The following UNC80 variants were observed in gnomAD, a reference collection of about 807,000 sequenced individuals.
The protein encoded by UNC80 is protein unc-80 homolog.
UNC80 carries 164 observed loss-of-function variants against 384.6 expected under a neutral mutation model. The observed-to-expected ratio is 0.43, with a 90% CI of 0.38 to 0.49. The LOEUF (loss-of-function observed/expected upper bound fraction) is 0.49. Among genes scored for constraint, UNC80 ranks in the 20% least tolerant of loss-of-function variants. The probability of loss-of-function intolerance (pLI) is 0.00; values close to 1 mark genes in which losing one functional copy is unlikely to be tolerated. For missense variants in UNC80, 3,330 were observed against 4,143.0 expected, an observed-to-expected ratio of 0.80 and a Z score of 5.39; for synonymous variants, 1,486 against 1,527.8, an observed-to-expected ratio of 0.97 and a Z score of 0.64.
At chr2:209,945,632 A>T (rs1165928494) in intron 46 of UNC80, among the ~76,000 whole-genome samples, 1 of 152,212 alleles carries the variant, frequency 6.6e-6, no homozygotes, top group Admixed American at 6.5e-5. Context: ...CACTCCAGAA[A>T]AGTATTTTTA....
intron 48 of UNC80, among the ~76,000 whole-genome samples, chr2:209,955,726 TATATATATATATAC>T (rs2092382062): frequency 2.5e-5 from 2 of 80,624 alleles, no homozygotes; most frequent in Admixed American, 1.2e-4. Flanking sequence ...TATATATATA[TATATATATATATAC>T]ACACACACAC....
chr2:209,929,593 A>G (rs147537315), intron 36 of UNC80, among the ~76,000 whole-genome samples: 1 of 152,338 alleles, frequency 6.6e-6, no homozygotes, highest in Admixed American at 6.5e-5. Flanking sequence ...GACTTCCACA[A>G]CAAAGACAAT....
intron 42 of UNC80, 36 bp downstream of exon 42, chr2:209,937,666 T>A: frequency 6.8e-7 from 1 of 1,469,524 alleles, no homozygotes; most frequent in African/African-American, 1.4e-5. Flanking sequence ...CATGGTTTTG[T>A]CATGTTGTTG....
intron 45 of UNC80, among the ~76,000 whole-genome samples, chr2:209,944,690 A>G (rs7584962): frequency 0.1 from 15,696 of 152,164 alleles, 2,012 homozygotes; most frequent in African/African-American, 0.3. Context: ...ATAAGCATAC[A>G]TTCCGCAAAC....
chr2:209,918,613 G>C lies in UNC80; in HGVS notation c.5293G>C (p.Val1765Leu), dbSNP rs1240320250. 6.4e-7 allele frequency: 1 copy of C among 1,551,938 alleles called. No individual in the cohort carries two copies. The highest frequency in any genetic ancestry group is 2.0e-5 in the Admixed American group (1 of 50,992). The change falls in exon 33 of 65, where the codon GTT becomes CTT. Residue 1765 changes from valine to leucine, a missense_variant. Val to Leu is a conservative substitution (Grantham distance 32, BLOSUM62 1). Around this residue, in one of 8 missense-constraint regions of UNC80, gnomAD observed 1,049 missense variants for 1,488.6 expected, o/e 0.70. Transcript: ENST00000673920. ...PSVPMFDPPW[V>L]PQCSGSVQDP... ...CGTCCCAATGTTTGACCCACCGTGG[G>C]TTCCTCAGTGCAGCGGGAGTGTCCA...
intron 28 of UNC80, 111 bp from the exon 29 acceptor site, chr2:209,904,654 A>G: frequency 1.1e-6 from 1 of 918,636 alleles, no homozygotes; most frequent in Non-Finnish European, 1.7e-6. Context: ...CGATTTCAAG[A>G]CACATCCAGG....
rs939231605 is a variant in UNC80 at position 209,982,263 on chromosome 2, A to G, written c.9203A>G (p.His3068Arg). 6 of 1,551,562 alleles carry G rather than the reference A, an allele frequency of 3.9e-6. No individual in the cohort carries two copies. The highest frequency in any genetic ancestry group is 8.7e-7 in the Non-Finnish European group (1 of 1,146,986). The change falls in exon 60 of 65, where the codon CAT becomes CGT. Residue 3068 changes from histidine (H) to arginine (R), a missense_variant. Transcript: ENST00000673920. ...SAIGRRRFSS[H>R]VSSMSVPQAE... ...ATTGGAAGGAGGCGATTCTCCAGCC[A>G]TGTCTCCAGCATGTCTGTACCTCAG...
rs752768194 is a variant in UNC80, at chr2:209,839,413, A to G, written c.3233A>G (p.Lys1078Arg). The G allele has an allele frequency of 3.9e-6, 6 of 1,552,126 alleles. No homozygotes were observed. The South Asian group carries it at 7.1e-5, about 18-fold the overall frequency. Residue 1078 changes from lysine to arginine, a missense_variant, in exon 19 of 65, where the codon AAG becomes AGG. Coordinates refer to ENST00000673920, the MANE Select transcript of UNC80 (RefSeq NM_001371986.1). This position sits in a 1 kb window ranked among gnomAD's most constrained non-coding sequence, Gnocchi z 4.1. ...SRSRRISLRK[K>R]LKLPIGNWLK... ...TCCCGCAGAATTTCCCTCCGAAAGA[A>G]GCTTAAACTCCCCATAGGTAAAAGT...
Position 209,949,404 on chromosome 2 carries a change from T to C in UNC80, c.7286+3461T>C, listed in dbSNP as rs559658614. Among the ~76,000 whole-genome samples the C allele has an allele frequency of 4.6e-5, 7 of 152,314 alleles. No individual in the cohort carries two copies. In the South Asian group the frequency reaches 1.2e-3, roughly 27 times the overall value. On this transcript the variant is annotated intron_variant, in intron 47 of 64. Coordinates refer to ENST00000673920, the MANE Select transcript of UNC80 (RefSeq NM_001371986.1). ...ATAAAGTCCTTGTCAGGCTATAGTA[T>C]CAAGGATATGAAGATTAAGCTGGAC...
rs147244565 is a variant in UNC80, at chr2:209,851,255, G to A, written c.3627+1632G>A. On this transcript the variant is annotated intron_variant, in intron 22 of 64. Coordinates refer to ENST00000673920, the MANE Select transcript of UNC80 (RefSeq NM_001371986.1). ...ATGAGTGGAAGATATCAGACACCAC[G>A]TGCAGTGTCACTACTGGTGTAAGCA... is the stretch of plus-strand genomic sequence containing the variant. Among the ~76,000 whole-genome samples, 12 of 152,244 alleles carry A rather than the reference G, an allele frequency of 7.9e-5. No homozygotes were observed. In the East Asian group the frequency reaches 9.7e-4, roughly 12 times the overall value.
Position 209,922,277 on chromosome 2 carries a change from C to G in UNC80, c.5556C>G (p.Ser1852=). 6.4e-7 allele frequency: 1 copy of G among 1,552,184 alleles called. No individual in the cohort carries two copies. The highest frequency in any genetic ancestry group is 1.2e-5 in the South Asian group (1 of 84,048). ...EEVEEVTNLA[S]RRLSVSPSCT... is the part of the protein sequence containing the mutation. The stretch of plus-strand genomic sequence containing the variant: ...TAGAAGAAGTCACCAATCTGGCATC[C>G]CGTCGACTGTCTGTGAGTCCATCCT... Residue 1852 remains serine, a synonymous_variant, in exon 35 of 65, where the codon TCC becomes TCG. Coordinates refer to ENST00000673920, the MANE Select transcript of UNC80 (RefSeq NM_001371986.1).
intron 22 of UNC80, among the ~76,000 whole-genome samples, chr2:209,853,861 C>T (rs1212182453): frequency 1.3e-5 from 2 of 152,054 alleles, no homozygotes; most frequent in Non-Finnish European, 2.9e-5. Context: ...TCCATAGGAT[C>T]ATAGAATTCT....
chr2:209,873,519 G>T (rs1406166390), intron 23 of UNC80, among the ~76,000 whole-genome samples: 2 of 152,116 alleles, frequency 1.3e-5, no homozygotes, highest in Non-Finnish European at 2.9e-5. Context: ...ATGAGTAAGT[G>T]AATAAATTTA....
intron 7 of UNC80, among the ~76,000 whole-genome samples, chr2:209,810,853 AC>A (rs1162285920): frequency 6.6e-6 from 1 of 152,192 alleles, no homozygotes; most frequent in East Asian, 1.9e-4. Context: ...AATGATTTTC[AC>A]AAAGCCTTGA....
chr2:209,794,783 C>T lies in UNC80; in HGVS notation c.938+924C>T, dbSNP rs1444453429. ...TCTCTTCTTCATTTTTCTCTTGCCA[C>T]CACCATATAAGAAGCACCTTTCACT... On this transcript the variant is annotated intron_variant, in intron 7 of 64. Coordinates refer to ENST00000673920, the MANE Select transcript of UNC80 (RefSeq NM_001371986.1). 3 of 454,800 alleles carry T rather than the reference C, an allele frequency of 6.6e-6. No homozygotes were observed. In the East Asian group the frequency reaches 2.1e-4, roughly 32 times the overall value. The allele number at this position is 454,800 out of a possible 1,614,324, so 28.2% of individuals were successfully genotyped here.
chr2:209,980,090 CCCTGGTGACTG>C (rs1379148135), intron 59 of UNC80, among the ~76,000 whole-genome samples: 8 of 152,172 alleles, frequency 5.3e-5, no homozygotes, highest in African/African-American at 1.9e-4. Flanking sequence ...GTCTAAATCA[CCCTGGTGACTG>C]CTCATGAAAA....
intron 39 of UNC80, among the ~76,000 whole-genome samples, chr2:209,935,312 A>G (rs2091170287): frequency 6.6e-6 from 1 of 152,188 alleles, no homozygotes; most frequent in Admixed American, 6.5e-5. Flanking sequence ...TTATGCATGT[A>G]AAAGACAGGT....
intron 13 of UNC80, among the ~76,000 whole-genome samples, chr2:209,824,623 C>G (rs773759524): frequency 3.9e-5 from 6 of 152,090 alleles, no homozygotes; most frequent in Non-Finnish European, 8.8e-5. Context: ...GGGCAGTGAG[C>G]CATCAGCACT....
At chr2:209,821,606 G>A (rs1252763085) in intron 13 of UNC80, among the ~76,000 whole-genome samples, 1 of 152,080 alleles carries the variant, frequency 6.6e-6, no homozygotes, top group African/African-American at 2.4e-5. Flanking sequence ...TCTCAATGTG[G>A]CACATCCCCA....
Sources: allele counts gnomAD v4.1 joint callset (sites outside exome capture counted in the v4.1 genomes callset), GRCh38; gene constraint gnomAD v4.1.1; regional missense constraint gnomAD v4.1.1; non-coding constraint Gnocchi (gnomAD v3.1); transcripts MANE v1.5; gene names NCBI Gene and HGNC (gene_info 2026-07-23, HGNC 2026-07-21).